Variants in TSPAN1 observed in about 807,000 individuals in gnomAD.
The protein encoded by TSPAN1 is tetraspanin 1, also known as tetraspanin-1.
A neutral mutation model predicts 26.9 loss-of-function variants in TSPAN1; 23 were observed. The observed-to-expected ratio is 0.85, with a 90% CI of 0.62 to 1.21. The LOEUF (loss-of-function observed/expected upper bound fraction) is 1.21, where lower values mean the gene tolerates loss of function less well. TSPAN1 is among the 50% of genes most tolerant of loss of function. The pLI is 0.00. For synonymous variants in TSPAN1, 115 were observed against 114.8 expected, an observed-to-expected ratio of 1.00 and a Z score of -0.01; for missense variants, 283 against 298.4, an observed-to-expected ratio of 0.95 and a Z score of 0.38.
At chr1:46,196,285 AC>A in the TSPAN1 span, among the ~76,000 whole-genome samples, 7 of 151,762 alleles carry the variant, frequency 4.6e-5, 1 homozygote, top group South Asian at 1.5e-3. The surrounding 1 kb of genome is among the most constrained non-coding windows in gnomAD (Gnocchi z 4.4). Context: ...TCTTTCTACA[AC>A]CCTCCCCTCC....
In TSPAN1 at chr1:46,184,774, G is replaced by A; in HGVS notation, c.340-11G>A. The A allele has an allele frequency of 6.2e-7, 1 of 1,614,190 alleles. No individual in the cohort carries two copies. Among genetic ancestry groups the A allele is most frequent in the Non-Finnish European group, 8.5e-7 (1 of 1,180,012 alleles). On this transcript the variant is annotated splice_polypyrimidine_tract_variant and intron_variant, in intron 5 of 8. Coordinates refer to ENST00000372003, the MANE Select transcript of TSPAN1 (RefSeq NM_005727.4). The stretch of plus-strand genomic sequence containing the variant: ...TGTACCAGCCCCTAAACACTGGCCT[G>A]CCTCACCCAGGCTGAGCACTTCCTG...
At chr1:46,193,418 G>T in the TSPAN1 span, 5 of 1,607,738 alleles carry the variant, frequency 3.1e-6, no homozygotes, top group South Asian at 5.5e-5. Flanking sequence ...CTCACCATGT[G>T]AGGTCACTTT....
downstream of TSPAN1, chr1:46,189,693 T>G: frequency 6.5e-7 from 1 of 1,544,380 alleles, no homozygotes; most frequent in South Asian, 1.2e-5. Context: ...GATAGCATCT[T>G]TTAGAATATG....
At position 46,185,669 on chromosome 1, in the gene TSPAN1, C is replaced by A; in HGVS notation, c.*136C>A. The stretch of plus-strand genomic sequence containing the variant: ...CAGAATGGACCTGCCCTTTCTGCTC[C>A]AGACTTGGGGCTAGATAGGGACCAC... On this transcript the variant is annotated 3_prime_UTR_variant, in exon 9 of 9. Transcript: ENST00000372003. The A allele has an allele frequency of 1.0e-6, 1 of 1,001,824 alleles. No individual in the cohort carries two copies. Among genetic ancestry groups the A allele is most frequent in the Non-Finnish European group, 1.5e-6 (1 of 659,706 alleles). 62.1% of individuals were successfully genotyped at this position (1,001,824 alleles called of 1,614,324 possible).
intron 2 of TSPAN1, 112 bp downstream of exon 2, chr1:46,180,770 G>A (rs1008897029): frequency 2.9e-6 from 1 of 349,344 alleles, no homozygotes; most frequent in Non-Finnish European, 5.3e-6. Context: ...GGTTAGTGTG[G>A]GGGGGAGCAC....
chr1:46,175,953 A>G, intron 1 of TSPAN1: 1 of 505,730 alleles, frequency 2.0e-6, no homozygotes, highest in Non-Finnish European at 3.5e-6. Flanking sequence ...GCTCACTGCA[A>G]CCTCTGCCTC....
At chr1:46,193,803 G>T in the TSPAN1 span, 2 of 1,610,268 alleles carry the variant, frequency 1.2e-6, no homozygotes, top group South Asian at 2.2e-5. Context: ...GGAGGTAGAT[G>T]ACCTAAGCAC....
the TSPAN1 span, chr1:46,192,057 T>C: frequency 6.3e-7 from 1 of 1,592,684 alleles, no homozygotes. Flanking sequence ...TGTTCTTGAC[T>C]GTCATGCCAC....
At chr1:46,179,728 G>A (rs1657266243) in intron 1 of TSPAN1, among the ~76,000 whole-genome samples, 2 of 152,162 alleles carry the variant, frequency 1.3e-5, no homozygotes, top group South Asian at 4.2e-4. Context: ...GCCACCTACT[G>A]GCAGAAAGAG....
the TSPAN1 span, chr1:46,196,074 G>C: frequency 2.7e-5 from 44 of 1,613,984 alleles, no homozygotes; most frequent in Non-Finnish European, 3.6e-5. The surrounding 1 kb of genome is among the most constrained non-coding windows in gnomAD (Gnocchi z 4.4). Context: ...TCATCCTCCA[G>C]CACCTACACA....
At chr1:46,177,785 A>G (rs1051849331) in intron 1 of TSPAN1, among the ~76,000 whole-genome samples, 2 of 152,226 alleles carry the variant, frequency 1.3e-5, no homozygotes, top group Non-Finnish European at 2.9e-5. Flanking sequence ...TGGTTTGGGA[A>G]TTACAAATAA....
downstream of TSPAN1, chr1:46,189,628 A>G (rs1322661625): frequency 6.4e-7 from 1 of 1,569,608 alleles, no homozygotes; most frequent in Non-Finnish European, 8.7e-7. Flanking sequence ...GGGGTCACTG[A>G]CGACCCTTTG....
At chr1:46,193,227 G>A in the TSPAN1 span, 18 of 1,614,206 alleles carry the variant, frequency 1.1e-5, no homozygotes, top group Non-Finnish European at 1.5e-5. Context: ...TGGGAGTGGG[G>A]TGGGAATAGG....
chr1:46,191,736 G>A, the TSPAN1 span: 7 of 346,440 alleles, frequency 2.0e-5, no homozygotes, highest in African/African-American at 1.1e-4. Flanking sequence ...CTGGGTTCAC[G>A]CCATTCTCCT....
chr1:46,196,054 C>G, the TSPAN1 span: 3 of 1,613,926 alleles, frequency 1.9e-6, no homozygotes, highest in African/African-American at 4.0e-5. This position sits in a 1 kb window ranked among gnomAD's most constrained non-coding sequence, Gnocchi z 4.4. Flanking sequence ...CCCGGCCCTG[C>G]TCCCGGGCCT....
At chr1:46,189,162 G>C (rs1291141254), downstream of TSPAN1, 1 of 1,512,286 alleles carries the variant, frequency 6.6e-7, no homozygotes, top group East Asian at 2.3e-5. Context: ...TTAAAAACAA[G>C]GTAGCCCCAG....
chr1:46,193,980 C>G, the TSPAN1 span: 2 of 1,605,492 alleles, frequency 1.2e-6, no homozygotes, highest in Non-Finnish European at 1.7e-6. Flanking sequence ...AACTGGGATC[C>G]CCACCTAGGG....
At chr1:46,190,259 T>A (rs1192361566), downstream of TSPAN1, 3 of 704,508 alleles carry the variant, frequency 4.3e-6, no homozygotes, top group Non-Finnish European at 7.3e-6. Flanking sequence ...TTAGCCAGGA[T>A]GGTCTCGATC....
At chr1:46,175,759 C>T (rs1023172312) in intron 1 of TSPAN1, 7 of 404,106 alleles carry the variant, frequency 1.7e-5, no homozygotes, top group Admixed American at 4.2e-5. Context: ...GCTGTCAGCA[C>T]TTTGGGGTGC....
Sources: gnomAD v4.1 joint callset for allele counts (sites outside exome capture counted in the v4.1 genomes callset) on GRCh38, gnomAD v4.1.1 for gene constraint, Gnocchi (gnomAD v3.1) non-coding constraint, MANE v1.5 for transcripts, NCBI Gene and HGNC (gene_info 2026-07-23, HGNC 2026-07-21) for gene names.